The following SMG7 variants were observed in gnomAD, a reference collection of about 807,000 sequenced individuals.
The protein encoded by SMG7 is SMG7 nonsense mediated mRNA decay factor.
In SMG7, 34 loss-of-function variants were observed where a neutral mutation model predicts 148.2. The ratio of observed to expected loss-of-function variants is 0.23; its 90% CI spans 0.17 to 0.31. The LOEUF (loss-of-function observed/expected upper bound fraction) is 0.31. Among genes scored for constraint, SMG7 ranks in the 10% least tolerant of loss-of-function variants. The pLI, the probability that SMG7 is intolerant of heterozygous loss-of-function variation, is 1.00. For missense variants in SMG7, 1,114 were observed against 1,408.4 expected, an observed-to-expected ratio of 0.79 and a Z score of 3.35; for synonymous variants, 492 against 515.1, an observed-to-expected ratio of 0.96 and a Z score of 0.61.
In SMG7 at chr1:183,472,598, A is replaced by G. The variant is rs1650912753; in HGVS notation, c.-23A>G. ...AGAGACCCACGGAGGCTTCGCGGGA[A>G]GACGCGGCGGCGGCGGCGGAGGATG... On this transcript the variant is annotated 5_prime_UTR_variant, in exon 1 of 23. Transcript: ENST00000688051. 2.8e-6 allele frequency: 4 copies of G among 1,437,598 alleles called. No homozygotes were observed. Among genetic ancestry groups the G allele is most frequent in the Non-Finnish European group, 3.7e-6 (4 of 1,084,004 alleles). 89.1% of individuals were successfully genotyped at this position (1,437,598 alleles called of 1,614,324 possible).
At chr1:183,508,369 T>G (rs1006148575) in intron 1 of SMG7, among the ~76,000 whole-genome samples, 9 of 152,068 alleles carry the variant, frequency 5.9e-5, no homozygotes, top group African/African-American at 2.2e-4. Context: ...AATTTTTTAT[T>G]TTTTGTAGAG....
chr1:183,526,370 T>G (rs1382671765), intron 4 of SMG7, among the ~76,000 whole-genome samples: 2 of 151,822 alleles, frequency 1.3e-5, no homozygotes, highest in Non-Finnish European at 2.9e-5. Flanking sequence ...GCCAGGCTGG[T>G]CTCAAACTCC....
rs1421988772 is a variant in SMG7, at chr1:183,529,146, CTT to C, written c.707+105_707+106del. The C allele has an allele frequency of 7.7e-5, 86 of 1,120,052 alleles. No homozygotes were observed. The East Asian group carries it at 1.7e-3, about 22-fold the overall frequency. 69.4% of individuals were successfully genotyped at this position (1,120,052 alleles called of 1,614,324 possible). A position where few individuals can be genotyped will look rare whatever the true frequency, so the allele number is the denominator to read the frequency against. ...ACAGAAAATAACGGCCTATGCTTCT[CTT>C]ATTTCTAAACATATAGATTTTTCAT... is the stretch of plus-strand genomic sequence containing the variant. On this transcript the variant is annotated intron_variant, in intron 7 of 22. Transcript: ENST00000688051.
chr1:183,509,446 C>T (rs1225299788), intron 1 of SMG7, among the ~76,000 whole-genome samples: 1 of 152,050 alleles, frequency 6.6e-6, no homozygotes, highest in African/African-American at 2.4e-5. Flanking sequence ...AAATTTGTAC[C>T]TAATTGTACC....
chr1:183,508,049 A>G, intron 1 of SMG7: 1 of 316,960 alleles, frequency 3.2e-6, no homozygotes, highest in Non-Finnish European at 4.6e-6. Context: ...AAAGAATTAA[A>G]AGGAATTCAT....
chr1:183,473,011 T>G, intron 1 of SMG7: 4 of 292,438 alleles, frequency 1.4e-5, no homozygotes, highest in Non-Finnish European at 2.5e-5. Flanking sequence ...AGGAGTCTGA[T>G]CCCCGTGGCA....
intron 1 of SMG7, among the ~76,000 whole-genome samples, chr1:183,507,662 A>G (rs1661226800): frequency 6.6e-6 from 1 of 152,214 alleles, no homozygotes; most frequent in South Asian, 2.1e-4. Flanking sequence ...ACCTATAGGC[A>G]CTATAATATC....
chr1:183,527,910 A>T lies in SMG7; in HGVS notation c.485-46A>T. 1 of 1,353,778 alleles carries T rather than the reference A, an allele frequency of 7.4e-7. No individual in the cohort carries two copies. The highest frequency in any genetic ancestry group is 1.1e-6 in the Non-Finnish European group (1 of 945,734). 83.9% of individuals were successfully genotyped at this position (1,353,778 alleles called of 1,614,324 possible). On this transcript the variant is annotated intron_variant, in intron 5 of 22. Coordinates refer to ENST00000688051, the MANE Select transcript of SMG7 (RefSeq NM_001375584.1). This position sits in a 1 kb window ranked among gnomAD's most constrained non-coding sequence, Gnocchi z 4.0. ...ATAGCTGTTTTGGAAATACTACCCTACTGTTTGTTTTTTGGGTTTTTTAAA... is the reference window on the plus strand; with the variant it reads ...ATAGCTGTTTTGGAAATACTACCCTTCTGTTTGTTTTTTGGGTTTTTTAAA...
chr1:183,510,463 T>C (rs1490153649), intron 1 of SMG7, among the ~76,000 whole-genome samples: 1 of 152,104 alleles, frequency 6.6e-6, no homozygotes, highest in East Asian at 1.9e-4. Context: ...TCAGGCTATA[T>C]GGATAATGGA....
At chr1:183,472,833 C>T (rs1651024978) in intron 1 of SMG7, 184 bp downstream of exon 1, 1 of 458,388 alleles carries the variant, frequency 2.2e-6, no homozygotes, top group Non-Finnish European at 3.6e-6. Flanking sequence ...GTGCCTAGCC[C>T]CTACCGCCCG....
intron 1 of SMG7, among the ~76,000 whole-genome samples, chr1:183,478,065 G>A (rs1367044687): frequency 6.6e-6 from 1 of 152,162 alleles, no homozygotes; most frequent in Non-Finnish European, 1.5e-5. Flanking sequence ...AAAGTAGCAA[G>A]CTAAGCCTTA....
At chr1:183,537,890 C>T (rs1404735209) in intron 11 of SMG7, among the ~76,000 whole-genome samples, 2 of 152,100 alleles carry the variant, frequency 1.3e-5, no homozygotes, top group Admixed American at 6.5e-5. Flanking sequence ...TGGCTTCTTT[C>T]TGACTTTTTT....
chr1:183,531,677 A>G (rs1283255530), intron 8 of SMG7, among the ~76,000 whole-genome samples: 2 of 152,148 alleles, frequency 1.3e-5, no homozygotes, highest in Non-Finnish European at 2.9e-5. Context: ...TTCTGTGCAT[A>G]CGCTAGAAAA....
intron 1 of SMG7, among the ~76,000 whole-genome samples, chr1:183,482,980 T>C (rs1376476834): frequency 6.6e-6 from 1 of 152,114 alleles, no homozygotes; most frequent in Non-Finnish European, 1.5e-5. Flanking sequence ...GTTACTAAGG[T>C]TAAGTGAAGT....
chr1:183,527,130 C>T lies in SMG7; in HGVS notation c.484+363C>T, dbSNP rs1010045730. 2.0e-5 allele frequency among the ~76,000 whole-genome samples: 3 copies of T among 152,106 alleles called. No homozygotes were observed. The highest frequency in any genetic ancestry group is 1.3e-4 in the Admixed American group (2 of 15,276). ...TGAGGTTTATAAATTACTCCTGAAGCGAAATTGCCTTCTTTCTTTCTTACC... is the reference window on the plus strand; with the variant it reads ...TGAGGTTTATAAATTACTCCTGAAGTGAAATTGCCTTCTTTCTTTCTTACC... On this transcript the variant is annotated intron_variant, in intron 5 of 22. Coordinates refer to ENST00000688051, the MANE Select transcript of SMG7 (RefSeq NM_001375584.1). This position sits in a 1 kb window ranked among gnomAD's most constrained non-coding sequence, Gnocchi z 4.0.
chr1:183,489,530 A>G (rs1469411509), intron 1 of SMG7, among the ~76,000 whole-genome samples: 2 of 152,126 alleles, frequency 1.3e-5, no homozygotes, highest in Non-Finnish European at 2.9e-5. Context: ...ATAGAGAAAT[A>G]GTAGCGCTTT....
chr1:183,521,572 GAATTTT>G (rs1664773830), intron 4 of SMG7, among the ~76,000 whole-genome samples: 1 of 152,126 alleles, frequency 6.6e-6, no homozygotes, highest in Non-Finnish European at 1.5e-5. Context: ...GATGAGTTTT[GAATTTT>G]AATTTTAAGT....
chr1:183,481,243 A>G (rs544886038), intron 1 of SMG7, among the ~76,000 whole-genome samples: 3 of 152,286 alleles, frequency 2.0e-5, no homozygotes, highest in East Asian at 3.9e-4. Context: ...TAATCATGGC[A>G]TATGCATTCC....
At chr1:183,549,534 A>G (rs1421952052) in intron 19 of SMG7, among the ~76,000 whole-genome samples, 1 of 152,214 alleles carries the variant, frequency 6.6e-6, no homozygotes, top group Non-Finnish European at 1.5e-5. Context: ...CAAATAAATT[A>G]TTCACATTTT....
Sources: gnomAD v4.1 joint callset for allele counts (sites outside exome capture counted in the v4.1 genomes callset) on GRCh38, gnomAD v4.1.1 for gene constraint, Gnocchi (gnomAD v3.1) non-coding constraint, MANE v1.5 for transcripts, NCBI Gene and HGNC (gene_info 2026-07-23, HGNC 2026-07-21) for gene names.